Variants in BRINP3 observed in about 807,000 individuals in gnomAD.
The protein encoded by BRINP3 is BMP/retinoic acid-inducible neural-specific protein 3.
Under a neutral mutation model 71.0 loss-of-function variants are expected in BRINP3, and 19 were observed. That is an observed-to-expected ratio of 0.27 (90% confidence interval 0.19 to 0.39). The LOEUF is 0.39. BRINP3 is among the 10% of genes least tolerant of loss of function. BRINP3 has a pLI of 1.00. For synonymous variants in BRINP3, 380 were observed against 337.7 expected (o/e 1.13, Z -1.37); for missense variants, 959 against 940.8 (o/e 1.02, Z -0.25).
intron 6 of BRINP3, among the ~76,000 whole-genome samples, chr1:190,213,601 G>T (rs1039989963): frequency 1.6e-4 from 25 of 152,066 alleles, no homozygotes; most frequent in African/African-American, 5.8e-4. Flanking sequence ...TAGCAAGGAT[G>T]GTACGTGGTT....
At chr1:190,476,751 T>G (rs1677528883) in intron 1 of BRINP3, among the ~76,000 whole-genome samples, 1 of 152,200 alleles carries the variant, frequency 6.6e-6, no homozygotes, top group African/African-American at 2.4e-5. Context: ...TCCAATTAAC[T>G]GTTCACCAGC....
chr1:190,376,101 AACTACAGAACT>A (rs1670166249), intron 2 of BRINP3, among the ~76,000 whole-genome samples: 1 of 152,002 alleles, frequency 6.6e-6, no homozygotes, highest in African/African-American at 2.4e-5. Context: ...AGAACAGTGT[AACTACAGAACT>A]AATTCTGCCT....
intron 2 of BRINP3, among the ~76,000 whole-genome samples, chr1:190,321,237 C>T (rs1018661077): frequency 1.3e-5 from 2 of 151,954 alleles, no homozygotes; most frequent in African/African-American, 4.8e-5. Flanking sequence ...ATCCAATACC[C>T]AATAGCATGC....
intron 3 of BRINP3, among the ~76,000 whole-genome samples, chr1:190,270,283 T>G (rs1274121237): frequency 2.0e-5 from 3 of 151,654 alleles, no homozygotes; most frequent in African/African-American, 4.8e-5. Context: ...AAGTTTCCTC[T>G]GAACATATTT....
At chr1:190,329,627 T>C (rs1245693352) in intron 2 of BRINP3, among the ~76,000 whole-genome samples, 2 of 151,966 alleles carry the variant, frequency 1.3e-5, no homozygotes, top group South Asian at 2.1e-4. Flanking sequence ...TATTATTTTT[T>C]TCACAGAATT....
chr1:190,308,482 G>C (rs1407182320), intron 2 of BRINP3, among the ~76,000 whole-genome samples: 6 of 151,580 alleles, frequency 4.0e-5, no homozygotes, highest in Non-Finnish European at 8.8e-5. Flanking sequence ...TCACACACTG[G>C]GGACTGTTGT....
intron 2 of BRINP3, among the ~76,000 whole-genome samples, chr1:190,335,302 C>T (rs1436493800): frequency 6.6e-6 from 1 of 151,800 alleles, no homozygotes; most frequent in Admixed American, 6.6e-5. Flanking sequence ...CAGTCACTTA[C>T]CCGATAGAGG....
chr1:190,273,274 C>T (rs1357233422), intron 3 of BRINP3, among the ~76,000 whole-genome samples: 2 of 151,514 alleles, frequency 1.3e-5, no homozygotes, highest in South Asian at 2.1e-4. Flanking sequence ...TGATTGCGTT[C>T]AAAAGTCATT....
At position 190,382,731 on chromosome 1, in the gene BRINP3, T is replaced by A. The variant is rs187995075; in HGVS notation, c.236+71924A>T. ...CAAATATTTAAAAAAATTATCATTG[T>A]ATACTTTCTTTCACAAAATTAGCAG... is the stretch of plus-strand genomic sequence containing the variant. On this transcript the variant is annotated intron_variant, in intron 2 of 7. Coordinates refer to ENST00000367462, the MANE Select transcript of BRINP3 (RefSeq NM_199051.3). Among the ~76,000 whole-genome samples the A allele has an allele frequency of 2.6e-5, 4 of 152,322 alleles. No individual in the cohort carries two copies. In the East Asian group the frequency reaches 7.7e-4, roughly 29 times the overall value.
At chr1:190,316,720 C>T (rs1021128593) in intron 2 of BRINP3, among the ~76,000 whole-genome samples, 1 of 152,028 alleles carries the variant, frequency 6.6e-6, no homozygotes, top group African/African-American at 2.4e-5. Flanking sequence ...AAAAACACAT[C>T]AATAATATTC....
At chr1:190,324,139 A>C (rs1666431634) in intron 2 of BRINP3, among the ~76,000 whole-genome samples, 1 of 152,022 alleles carries the variant, frequency 6.6e-6, no homozygotes, top group Non-Finnish European at 1.5e-5. Context: ...CCATGGTCTT[A>C]ATTGTAATGC....
chr1:190,424,073 C>A (rs1004079900), intron 2 of BRINP3, among the ~76,000 whole-genome samples: 30 of 150,818 alleles, frequency 2.0e-4, no homozygotes, highest in African/African-American at 3.4e-4. Context: ...AAATATAGTC[C>A]AAAATATATA....
chr1:190,264,918 C>G lies in BRINP3; in HGVS notation c.565G>C (p.Asp189His), dbSNP rs770551066. 5 of 1,613,738 alleles carry G rather than the reference C, an allele frequency of 3.1e-6. No individual in the cohort carries two copies. In the East Asian group the frequency reaches 8.9e-5, roughly 29 times the overall value. Reference protein sequence around the residue: ...QLAASYFIDRDSTLRRLHHIQ... With the variant: ...QLAASYFIDRHSTLRRLHHIQ... Reference sequence around the variant, plus strand: ...TGGTGAAGTCTCCGAAGGGTGCTGTCCCTGTCAATGAAATAAGAAGCGGCT... The same window carrying G: ...TGGTGAAGTCTCCGAAGGGTGCTGTGCCTGTCAATGAAATAAGAAGCGGCT... The change falls in exon 4 of 8, where the codon GAC (aspartate) becomes CAC (histidine). Residue 189 changes from aspartate (D) to histidine (H), a missense_variant. By Grantham distance (81) the Asp-to-His change is moderately conservative. Transcript: ENST00000367462.
chr1:190,265,606 C>A (rs1661591145), intron 3 of BRINP3, among the ~76,000 whole-genome samples: 1 of 150,488 alleles, frequency 6.6e-6, no homozygotes, highest in African/African-American at 2.4e-5. Context: ...TCCAGCTACT[C>A]CGGAGGCTGT....
At chr1:190,234,786 C>T (rs1237778991) in intron 4 of BRINP3, among the ~76,000 whole-genome samples, 1 of 152,096 alleles carries the variant, frequency 6.6e-6, no homozygotes, top group Non-Finnish European at 1.5e-5. Flanking sequence ...AGGCCCACTC[C>T]TTATGGAAGA....
chr1:190,237,955 A>G (rs549399157), intron 4 of BRINP3, among the ~76,000 whole-genome samples: 1 of 152,182 alleles, frequency 6.6e-6, no homozygotes, highest in South Asian at 2.1e-4. Context: ...GAATGTTAAT[A>G]TTTAAGAGGG....
intron 2 of BRINP3, among the ~76,000 whole-genome samples, chr1:190,399,247 C>A (rs1671776512): frequency 6.6e-6 from 1 of 151,664 alleles, no homozygotes; most frequent in South Asian, 2.1e-4. Context: ...AAATATCCAC[C>A]TCCCCCAAAC....
chr1:190,103,131 T>A (rs1651842420), intron 7 of BRINP3, among the ~76,000 whole-genome samples: 1 of 152,100 alleles, frequency 6.6e-6, no homozygotes, highest in Non-Finnish European at 1.5e-5. Flanking sequence ...CTTTACCCTG[T>A]GCCCTGTGAC....
chr1:190,226,010 A>G, intron 6 of BRINP3, 72 bp downstream of exon 6: 1 of 1,032,760 alleles, frequency 9.7e-7, no homozygotes, highest in Non-Finnish European at 1.4e-6. Flanking sequence ...TTTCTTGAAA[A>G]AGGACAAATT....
Sources: gnomAD v4.1 joint callset for allele counts (sites outside exome capture counted in the v4.1 genomes callset) on GRCh38, gnomAD v4.1.1 for gene constraint, MANE v1.5 for transcripts, NCBI Gene and HGNC (gene_info 2026-07-23, HGNC 2026-07-21) for gene names.